The following OSGIN1 variants were observed in gnomAD, a reference collection of about 807,000 sequenced individuals.
OSGIN1 encodes the protein oxidative stress induced growth inhibitor 1.
In OSGIN1, 19 loss-of-function variants were observed where a neutral mutation model predicts 20.1. That is an observed-to-expected ratio of 0.95 (90% confidence interval 0.66 to 1.39). The LOEUF is 1.39. Among genes scored for constraint, OSGIN1 ranks in the 40% most tolerant of loss-of-function variants. The pLI is 0.00. For synonymous variants in OSGIN1, 368 were observed against 297.8 expected (o/e 1.24, Z -2.43); for missense variants, 820 against 653.0 (o/e 1.26, Z -2.79).
intron 5 of OSGIN1, among the ~76,000 whole-genome samples, chr16:83,962,400 G>A (rs1180440112): frequency 9.2e-5 from 14 of 152,062 alleles, no homozygotes; most frequent in East Asian, 3.9e-4. Flanking sequence ...CACCACACCC[G>A]GCTAATTATT....
intron 4 of OSGIN1, 77 bp from the exon 5 acceptor site, chr16:83,960,904 A>G (rs1293347747): frequency 1.3e-6 from 2 of 1,528,410 alleles, no homozygotes; most frequent in Non-Finnish European, 1.8e-6. Context: ...AGCCCCAGCA[A>G]AGGCCTCCCA....
At position 83,961,047 on chromosome 16, in the gene OSGIN1, A is replaced by C; in HGVS notation, c.463A>C (p.Lys155Gln). 1 of 1,613,528 alleles carries C rather than the reference A, an allele frequency of 6.2e-7. No homozygotes were observed. The highest frequency in any genetic ancestry group is 8.5e-7 in the Non-Finnish European group (1 of 1,179,980). Reference protein sequence around the residue: ...QWMGLPDLEVKDWMQKKRRGL... With the variant: ...QWMGLPDLEVQDWMQKKRRGL... ...GATGGGGCTCCCGGACCTGGAGGTC[A>C]AGGACTGGATGCAGAAGAAGCGAAG... The change falls in exon 5 of 6, where the codon AAG becomes CAG. Residue 155 changes from lysine to glutamine, a missense_variant. Coordinates refer to ENST00000393306, the MANE Select transcript of OSGIN1 (RefSeq NM_182981.3).
rs2084279156 is a variant in OSGIN1 at position 83,966,259 on chromosome 16, GA to G, written c.*253del. 6 of 526,124 alleles carry G rather than the reference GA, an allele frequency of 1.1e-5. No homozygotes were observed. Among genetic ancestry groups the G allele is most frequent in the African/African-American group, 9.5e-5 (5 of 52,628 alleles). The allele number at this position is 526,124 out of a possible 1,614,324, so 32.6% of individuals were successfully genotyped here. ...GGGAAAGCTGCTGGTGTGACCAGCT[GA>G]GCACCCAGCCAGGAGACCTGCAGCC... On this transcript the variant is annotated 3_prime_UTR_variant, in exon 6 of 6. Transcript: ENST00000393306.
intron 5 of OSGIN1, chr16:83,961,310 G>A (rs973176753): frequency 2.0e-5 from 10 of 488,432 alleles, no homozygotes; most frequent in African/African-American, 5.9e-5. Flanking sequence ...ACATTGGTTC[G>A]GTCTGGAAAG....
At chr16:83,965,013 C>T (rs767675164) in intron 5 of OSGIN1, 49 bp from the exon 6 acceptor site, 8 of 1,223,426 alleles carry the variant, frequency 6.5e-6, no homozygotes, top group Admixed American at 2.0e-5. Context: ...ACCCAGCCCC[C>T]CAACCCCTAA....
chr16:83,962,546 A>G (rs2084228710), intron 5 of OSGIN1, among the ~76,000 whole-genome samples: 1 of 152,166 alleles, frequency 6.6e-6, no homozygotes, highest in Non-Finnish European at 1.5e-5. Context: ...AGGCTAATTT[A>G]GGAAGTTTAA....
chr16:83,954,261 C>T (rs1332799965), intron 1 of OSGIN1: 2 of 152,232 alleles, frequency 1.3e-5, no homozygotes, highest in Non-Finnish European at 2.9e-5. Flanking sequence ...ATACAGGTGT[C>T]CCAGAGTCTC....
intron 5 of OSGIN1, 148 bp downstream of exon 5, chr16:83,961,220 T>C (rs1041523605): frequency 3.1e-6 from 2 of 646,460 alleles, no homozygotes; most frequent in Non-Finnish European, 5.5e-6. Context: ...CCTAATGACA[T>C]GTGCCCAAGG....
chr16:83,955,633 C>T (rs146530698), intron 1 of OSGIN1, among the ~76,000 whole-genome samples: 1 of 152,200 alleles, frequency 6.6e-6, no homozygotes, highest in Non-Finnish European at 1.5e-5. Flanking sequence ...GAGATCATGC[C>T]TGGCACCCAG....
In OSGIN1 at chr16:83,966,304, G is replaced by A; in HGVS notation, c.*297G>A. On this transcript the variant is annotated 3_prime_UTR_variant, in exon 6 of 6. Transcript: ENST00000393306. ...TGCAGCCCTGCGCCTTCCAGAAGCA[G>A]GTCCCAAATAAAGCCAGTGCCCACC... The A allele has an allele frequency of 2.2e-6, 1 of 455,956 alleles. No homozygotes were observed. The highest frequency in any genetic ancestry group is 3.5e-5 in the East Asian group (1 of 28,822). The allele number at this position is 455,956 out of a possible 1,614,324, so 28.2% of individuals were successfully genotyped here.
intron 1 of OSGIN1, chr16:83,954,571 T>C (rs890112163): frequency 6.5e-6 from 1 of 154,004 alleles, no homozygotes; most frequent in Non-Finnish European, 1.4e-5. Flanking sequence ...TGTCCGAGGT[T>C]ATGAGTGACA....
At position 83,965,971 on chromosome 16, in the gene OSGIN1, C is replaced by T. The variant is rs773899623; in HGVS notation, c.1398C>T (p.Ser466=). ...AGGGGGGCGCCTTGGCTGTGGCCAG[C>T]TCCCTGCTAAGGAAGGAGACCAGGA... is the stretch of plus-strand genomic sequence containing the variant. ...FVQGGALAVA[S]SLLRKETRKP... The change falls in exon 6 of 6, where the codon AGC becomes AGT. Residue 466 remains serine (S), a synonymous_variant. Coordinates refer to ENST00000393306, the MANE Select transcript of OSGIN1 (RefSeq NM_182981.3). The T allele has an allele frequency of 1.2e-6, 2 of 1,602,740 alleles. No homozygotes were observed. Among genetic ancestry groups the T allele is most frequent in the Non-Finnish European group, 1.7e-6 (2 of 1,175,508 alleles).
Position 83,960,732 on chromosome 16 carries a change from G to A in OSGIN1, c.368G>A (p.Gly123Asp). 6.2e-7 allele frequency: 1 copy of A among 1,613,376 alleles called. No individual in the cohort carries two copies. The highest frequency in any genetic ancestry group is 8.5e-7 in the Non-Finnish European group (1 of 1,180,024). Residue 123 changes from glycine (G) to aspartate (D), a missense_variant, in exon 4 of 6, where the codon GGC (glycine) becomes GAC (aspartate). Gly to Asp is a moderately conservative substitution (Grantham distance 94, BLOSUM62 -1). Coordinates refer to ENST00000393306, the MANE Select transcript of OSGIN1 (RefSeq NM_182981.3). ...KEHAIPHVVL[G>D]RNLPGGAWHS... is the part of the protein sequence containing the mutation. ...CACGCCATCCCCCACGTGGTTCTGG[G>A]CCGGAACCTCCCCGGGGGAGCCTGG...
In OSGIN1 at chr16:83,965,315, A is replaced by T. The variant is rs774364981; in HGVS notation, c.742A>T (p.Thr248Ser). The change falls in exon 6 of 6, where the codon ACG becomes TCG. Residue 248 changes from threonine (T) to serine (S), a missense_variant. By Grantham distance (58) the Thr-to-Ser change is moderately conservative. Transcript: ENST00000393306. ...CCGCAACGTGGTCCTCGCCACAGGC[A>T]CGTTCGACAGCCCGGCCCGGCTGGG... ...WARNVVLATG[T>S]FDSPARLGIP... 6.3e-7 allele frequency: 1 copy of T among 1,585,488 alleles called. No homozygotes were observed. Among genetic ancestry groups the T allele is most frequent in the Non-Finnish European group, 8.6e-7 (1 of 1,165,100 alleles).
chr16:83,959,103 G>T (rs1413657436), intron 2 of OSGIN1, among the ~76,000 whole-genome samples, 157 bp from the exon 3 acceptor site: 1 of 152,106 alleles, frequency 6.6e-6, no homozygotes, highest in African/African-American at 2.4e-5. Flanking sequence ...AGTATTATTA[G>T]GCACAGTGTC....
Position 83,965,216 on chromosome 16 carries a change from G to C in OSGIN1, c.643G>C (p.Asp215His), listed in dbSNP as rs779262495. 2 of 1,613,056 alleles carry C rather than the reference G, an allele frequency of 1.2e-6. No individual in the cohort carries two copies. The highest frequency in any genetic ancestry group is 1.7e-6 in the Non-Finnish European group (2 of 1,179,992). Residue 215 changes from aspartate to histidine, a missense_variant, in exon 6 of 6, where the codon GAC (aspartate) becomes CAC (histidine). Physicochemically the swap from Asp to His is moderately conservative, Grantham distance 81. Coordinates refer to ENST00000393306, the MANE Select transcript of OSGIN1 (RefSeq NM_182981.3). ...TPDPSSCGAQ[D>H]SSPLFQVSGF... ...CGATCCCAGCAGCTGTGGGGCCCAG[G>C]ACTCCAGCCCCCTCTTCCAGGTGAG... is the stretch of plus-strand genomic sequence containing the variant.
In OSGIN1 at chr16:83,960,761, G is replaced by A. The variant is rs768497100; in HGVS notation, c.396+1G>A. On this transcript the variant is annotated splice_donor_variant, in intron 4 of 5. Transcript: ENST00000393306. LOFTEE classifies it high-confidence loss of function. Reference sequence around the variant, plus strand: ...GAACCTCCCCGGGGGAGCCTGGCACGTGAGTGGGGCAGCGAGGGCATGGCT... The same window carrying A: ...GAACCTCCCCGGGGGAGCCTGGCACATGAGTGGGGCAGCGAGGGCATGGCT... 9.9e-6 allele frequency: 16 copies of A among 1,612,622 alleles called. No individual in the cohort carries two copies. The highest frequency in any genetic ancestry group is 5.5e-5 in the South Asian group (5 of 91,050).
intron 5 of OSGIN1, among the ~76,000 whole-genome samples, chr16:83,962,536 A>G (rs554516269): frequency 1.3e-5 from 2 of 152,188 alleles, no homozygotes; most frequent in African/African-American, 2.4e-5. Flanking sequence ...CCACCACGCC[A>G]GGCTAATTTA....
chr16:83,961,672 G>T, intron 5 of OSGIN1, among the ~76,000 whole-genome samples: 1 of 152,104 alleles, frequency 6.6e-6, no homozygotes, highest in East Asian at 1.9e-4. Flanking sequence ...GAAAGGACTT[G>T]TCCACCCCAC....
Sources: allele counts gnomAD v4.1 joint callset (sites outside exome capture counted in the v4.1 genomes callset), GRCh38; gene constraint gnomAD v4.1.1; transcripts MANE v1.5; gene names NCBI Gene and HGNC (gene_info 2026-07-23, HGNC 2026-07-21).